ZNF462: variants seen among roughly 807,000 people sequenced by gnomAD.
ZNF462 encodes the protein zinc finger protein 462.
Under a neutral mutation model 201.9 loss-of-function variants are expected in ZNF462, and 10 were observed. The observed-to-expected ratio is 0.05, with a 90% CI of 0.03 to 0.08. ZNF462 has a LOEUF of 0.08. ZNF462 is among the 10% of genes least tolerant of loss of function. The pLI, the probability that ZNF462 is intolerant of heterozygous loss-of-function variation, is 1.00. For missense variants in ZNF462, 2,523 were observed against 3,168.3 expected, an observed-to-expected ratio of 0.80 and a Z score of 4.89; for synonymous variants, 1,227 against 1,193.3, an observed-to-expected ratio of 1.03 and a Z score of -0.58.
chr9:106,944,502 G>A (rs1334678602), intron 7 of ZNF462, among the ~76,000 whole-genome samples: 3 of 152,154 alleles, frequency 2.0e-5, no homozygotes, highest in Non-Finnish European at 4.4e-5. Flanking sequence ...ACATGCATAT[G>A]ATGTGTAATG....
At chr9:107,000,156 C>G (rs1295050819) in intron 10 of ZNF462, among the ~76,000 whole-genome samples, 1 of 151,896 alleles carries the variant, frequency 6.6e-6, no homozygotes, top group Non-Finnish European at 1.5e-5. Context: ...ATGGTGGAGG[C>G]ATAGACTCCT....
At chr9:106,988,563 A>G (rs1828023813) in intron 10 of ZNF462, among the ~76,000 whole-genome samples, 1 of 152,154 alleles carries the variant, frequency 6.6e-6, no homozygotes, top group African/African-American at 2.4e-5. Context: ...TGTTCTTTCT[A>G]ATTCTGTGAA....
At chr9:106,997,319 T>A (rs560411619) in intron 10 of ZNF462, among the ~76,000 whole-genome samples, 1 of 152,236 alleles carries the variant, frequency 6.6e-6, no homozygotes, top group South Asian at 2.1e-4. Flanking sequence ...CAATCCCACT[T>A]CTGGATATTT....
chr9:106,900,206 G>GTGTGTGTA, intron 1 of ZNF462, among the ~76,000 whole-genome samples: 1 of 5,848 alleles, frequency 1.7e-4, no homozygotes, highest in Middle Eastern at 0.062. Flanking sequence ...ATTCCATCGT[G>GTGTGTGTA]TGTGTGTGTG....
chr9:106,863,063 GA>G (rs1312116610), upstream of ZNF462: 21 of 392,188 alleles, frequency 5.4e-5, no homozygotes, highest in African/African-American at 4.0e-4. Flanking sequence ...AGAGGAGAGA[GA>G]AGAGGAGAGA....
rs753120120 is a variant in ZNF462, at chr9:106,926,990, T to A, written c.3078T>A (p.Thr1026=). The change falls in exon 3 of 13, where the codon ACT becomes ACA. Residue 1026 remains threonine (T), a synonymous_variant. Coordinates refer to ENST00000277225, the MANE Select transcript of ZNF462 (RefSeq NM_021224.6). The surrounding 1 kb of genome is among the most constrained non-coding windows in gnomAD (Gnocchi z 7.9). ...CENQKDPLVN[T]VVVYDCDVCS... ...ATCAGAAGGACCCTTTGGTCAACACTGTTGTTGTTTATGATTGTGATGTTT... is the reference window on the plus strand; with the variant it reads ...ATCAGAAGGACCCTTTGGTCAACACAGTTGTTGTTTATGATTGTGATGTTT... 3.1e-6 allele frequency: 5 copies of A among 1,614,044 alleles called. No individual in the cohort carries two copies. In the African/African-American group the frequency reaches 6.7e-5, roughly 22 times the overall value.
rs1831484616 is a variant in ZNF462, at chr9:106,954,368, C to T, written c.6427+15261C>T. On this transcript the variant is annotated intron_variant, in intron 7 of 12. Coordinates refer to ENST00000277225, the MANE Select transcript of ZNF462 (RefSeq NM_021224.6). This position sits in a 1 kb window ranked among gnomAD's most constrained non-coding sequence, Gnocchi z 4.0. ...ATCAGATCTTGTGATAACTCACTTA[C>T]TGTCACAAGAATAGCATGGAGGAAA... 6.6e-6 allele frequency among the ~76,000 whole-genome samples: 1 copy of T among 152,072 alleles called. No homozygotes were observed. The highest frequency in any genetic ancestry group is 2.4e-5 in the African/African-American group (1 of 41,396).
chr9:106,966,273 C>G lies in ZNF462; in HGVS notation c.6428-5732C>G, dbSNP rs1257838271. On this transcript the variant is annotated intron_variant, in intron 7 of 12. Coordinates refer to ENST00000277225, the MANE Select transcript of ZNF462 (RefSeq NM_021224.6). The surrounding 1 kb of genome is among the most constrained non-coding windows in gnomAD (Gnocchi z 4.4). Reference sequence around the variant, plus strand: ...TACATGTTTTTCTGTTCAGACTCATCATTTCTTTACCCTAGGGAAATTAAG... The same window carrying G: ...TACATGTTTTTCTGTTCAGACTCATGATTTCTTTACCCTAGGGAAATTAAG... 1.3e-5 allele frequency among the ~76,000 whole-genome samples: 2 copies of G among 152,050 alleles called. No individual in the cohort carries two copies. The highest frequency in any genetic ancestry group is 4.8e-5 in the African/African-American group (2 of 41,420).
intron 7 of ZNF462, among the ~76,000 whole-genome samples, chr9:106,969,252 T>C (rs11793958): frequency 0.12 from 19,012 of 152,244 alleles, 1,245 homozygotes; most frequent in African/African-American, 0.14. Context: ...TTTTATGACA[T>C]GGACGCATTA....
At position 106,928,260 on chromosome 9, in the gene ZNF462, C is replaced by G; in HGVS notation, c.4348C>G (p.Leu1450Val). 3 of 1,614,090 alleles carry G rather than the reference C, an allele frequency of 1.9e-6. No individual in the cohort carries two copies. The highest frequency in any genetic ancestry group is 2.5e-6 in the Non-Finnish European group (3 of 1,180,002). Residue 1450 changes from leucine to valine, a missense_variant, in exon 3 of 13, where the codon CTG (leucine) becomes GTG (valine). This residue lies in a region of ZNF462 where 165 missense variants were observed against 142.6 expected (regional missense o/e 1.16). Coordinates refer to ENST00000277225, the MANE Select transcript of ZNF462 (RefSeq NM_021224.6). The surrounding 1 kb of genome is among the most constrained non-coding windows in gnomAD (Gnocchi z 9.3). ...QEAECPEDAR[L>V]SPEKSLQLAS... ...AGCTGAATGTCCAGAGGATGCAAGA[C>G]TGTCCCCTGAGAAAAGCCTGCAGCT...
Position 106,913,062 on chromosome 9 carries a change from G to A in ZNF462, c.-30-10292G>A, listed in dbSNP as rs189444775. Among the ~76,000 whole-genome samples the A allele has an allele frequency of 2.5e-3, 384 of 152,284 alleles. No homozygotes were observed. Among genetic ancestry groups the A allele is most frequent in the Non-Finnish European group, 3.8e-3 (256 of 68,020 alleles). On this transcript the variant is annotated intron_variant, in intron 1 of 12. Transcript: ENST00000277225. The surrounding 1 kb of genome is among the most constrained non-coding windows in gnomAD (Gnocchi z 4.1). ...GACTCCAGGTGTCACATCAGTTCAG[G>A]GTAGCTTAGCGGTGTTATAAACACA... is the stretch of plus-strand genomic sequence containing the variant.
At chr9:106,980,648 C>T (rs1827352364) in intron 9 of ZNF462, among the ~76,000 whole-genome samples, 1 of 152,178 alleles carries the variant, frequency 6.6e-6, no homozygotes, top group Admixed American at 6.5e-5. Flanking sequence ...TGACATTACT[C>T]TCGGGCCCAA....
intron 1 of ZNF462, among the ~76,000 whole-genome samples, chr9:106,910,866 A>G (rs1201937961): frequency 6.6e-6 from 1 of 152,174 alleles, no homozygotes; most frequent in Non-Finnish European, 1.5e-5. Flanking sequence ...CTTAACTGAG[A>G]GTTTAGCCCT....
rs564401281 is a variant in ZNF462 at position 106,930,889 on chromosome 9, G to A, written c.6012+200G>A. On this transcript the variant is annotated intron_variant, in intron 4 of 12. Coordinates refer to ENST00000277225, the MANE Select transcript of ZNF462 (RefSeq NM_021224.6). This position sits in a 1 kb window ranked among gnomAD's most constrained non-coding sequence, Gnocchi z 5.8. ...TCTGTTCAGGGAAAGGTCGAGTTTCGATCTGGTTTCCTTCCACGCGGATAG... is the reference window on the plus strand; with the variant it reads ...TCTGTTCAGGGAAAGGTCGAGTTTCAATCTGGTTTCCTTCCACGCGGATAG... 1.4e-5 allele frequency: 8 copies of A among 582,768 alleles called. No homozygotes were observed. Among genetic ancestry groups the A allele is most frequent in the Admixed American group, 3.1e-5 (1 of 32,128 alleles). The allele number at this position is 582,768 out of a possible 1,614,324, so 36.1% of individuals were successfully genotyped here. A position where few individuals can be genotyped will look rare whatever the true frequency, so the allele number is the denominator to read the frequency against.
intron 7 of ZNF462, among the ~76,000 whole-genome samples, chr9:106,953,160 C>T (rs941849269): frequency 6.6e-6 from 1 of 152,248 alleles, no homozygotes; most frequent in Non-Finnish European, 1.5e-5. Context: ...TTTCTCACCA[C>T]TCACTCTTTG....
chr9:106,949,133 C>T (rs1036429108), intron 7 of ZNF462, among the ~76,000 whole-genome samples: 4 of 152,094 alleles, frequency 2.6e-5, no homozygotes, highest in African/African-American at 9.7e-5. Context: ...AGGATAAATA[C>T]AAAATAAGTT....
rs1258349819 is a variant in ZNF462, at chr9:106,905,361, C to T, written c.-30-17993C>T. On this transcript the variant is annotated intron_variant, in intron 1 of 12. Coordinates refer to ENST00000277225, the MANE Select transcript of ZNF462 (RefSeq NM_021224.6). The surrounding 1 kb of genome is among the most constrained non-coding windows in gnomAD (Gnocchi z 5.9). Reference sequence around the variant, plus strand: ...CAATGGACTCTCTGAGGGTCCTTAGCTTTGGTGATTTAATGGTCTATTTTT... The same window carrying T: ...CAATGGACTCTCTGAGGGTCCTTAGTTTTGGTGATTTAATGGTCTATTTTT... Among the ~76,000 whole-genome samples the T allele has an allele frequency of 6.6e-6, 1 of 152,056 alleles. No homozygotes were observed. Among genetic ancestry groups the T allele is most frequent in the African/African-American group, 2.4e-5 (1 of 41,336 alleles).
intron 7 of ZNF462, among the ~76,000 whole-genome samples, chr9:106,949,125 G>A (rs1283891224): frequency 1.3e-5 from 2 of 152,106 alleles, no homozygotes; most frequent in African/African-American, 4.8e-5. Context: ...TTTGTGAAAG[G>A]ATAAATACAA....
chr9:106,959,019 T>G (rs1237896465), intron 7 of ZNF462, among the ~76,000 whole-genome samples: 1 of 152,164 alleles, frequency 6.6e-6, no homozygotes, highest in Non-Finnish European at 1.5e-5. Flanking sequence ...GGAATTGAAT[T>G]TGCCCTGAGA....
Sources: allele counts gnomAD v4.1 joint callset (sites outside exome capture counted in the v4.1 genomes callset), GRCh38; gene constraint gnomAD v4.1.1; regional missense constraint gnomAD v4.1.1; non-coding constraint Gnocchi (gnomAD v3.1); transcripts MANE v1.5; gene names NCBI Gene and HGNC (gene_info 2026-07-23, HGNC 2026-07-21).